The following CXCL13 variants were observed in gnomAD, a reference collection of about 807,000 sequenced individuals.
The protein encoded by CXCL13 is C-X-C motif chemokine ligand 13.
CXCL13 carries 7 observed loss-of-function variants against 12.2 expected under a neutral mutation model. The ratio of observed to expected loss-of-function variants is 0.57; its 90% CI spans 0.33 to 1.07. The LOEUF is 1.07. Among genes scored for constraint, CXCL13 ranks in the 50% least tolerant of loss-of-function variants. The probability of loss-of-function intolerance (pLI) is 0.04; values close to 1 mark genes in which losing one functional copy is unlikely to be tolerated. For synonymous variants in CXCL13, 47 were observed against 42.4 expected (o/e 1.11, Z -0.42); for missense variants, 113 against 127.4 (o/e 0.89, Z 0.55).
intron 1 of CXCL13, among the ~76,000 whole-genome samples, chr4:77,546,280 A>G (rs957187184): frequency 1.3e-5 from 2 of 152,182 alleles, no homozygotes; most frequent in Non-Finnish European, 2.9e-5. Flanking sequence ...GTTAAGGAGG[A>G]TGCCCTCTTT....
At chr4:77,540,037 G>A (rs1725162351) in intron 1 of CXCL13, among the ~76,000 whole-genome samples, 1 of 152,092 alleles carries the variant, frequency 6.6e-6, no homozygotes, top group South Asian at 2.1e-4. Flanking sequence ...GATGAAGGAA[G>A]AAATTAACTT....
chr4:77,547,289 A>T (rs1488184449), intron 1 of CXCL13, among the ~76,000 whole-genome samples: 8 of 152,152 alleles, frequency 5.3e-5, no homozygotes, highest in Middle Eastern at 6.8e-3. Flanking sequence ...TATCCTTGTT[A>T]ATTTTCTGTC....
intron 1 of CXCL13, among the ~76,000 whole-genome samples, chr4:77,547,571 T>C (rs1319375955): frequency 2.6e-5 from 4 of 152,132 alleles, no homozygotes; most frequent in African/African-American, 9.7e-5. Context: ...TTTTTTTTTG[T>C]TTTCCATTTT....
chr4:77,587,617 T>C (rs355690), intron 1 of CXCL13, among the ~76,000 whole-genome samples: 13,564 of 152,226 alleles, frequency 0.089, 1,672 homozygotes, highest in African/African-American at 0.27. Context: ...CCAAATATTT[T>C]ACCTGTTTTA....
At chr4:77,549,008 A>T (rs1360494537) in intron 1 of CXCL13, among the ~76,000 whole-genome samples, 1 of 152,146 alleles carries the variant, frequency 6.6e-6, no homozygotes, top group Non-Finnish European at 1.5e-5. Context: ...ACATAGTCCC[A>T]TATTTCTTGG....
chr4:77,529,902 G>T (rs942140579), intron 1 of CXCL13, among the ~76,000 whole-genome samples: 1 of 152,126 alleles, frequency 6.6e-6, no homozygotes, highest in South Asian at 2.1e-4. Flanking sequence ...GTATGATATT[G>T]GTTGTGAGTT....
intron 1 of CXCL13, among the ~76,000 whole-genome samples, chr4:77,571,420 A>C (rs895797240): frequency 2.7e-5 from 4 of 150,536 alleles, no homozygotes; most frequent in Non-Finnish European, 5.9e-5. Flanking sequence ...TTGTAAATAC[A>C]CCAATCGGCA....
At chr4:77,529,118 G>A (rs1388378168) in intron 1 of CXCL13, among the ~76,000 whole-genome samples, 1 of 152,144 alleles carries the variant, frequency 6.6e-6, no homozygotes, top group Non-Finnish European at 1.5e-5. Flanking sequence ...TGAGGGCTCT[G>A]TTCTATTCCA....
chr4:77,514,052 G>A (rs1724345456), intron 1 of CXCL13, among the ~76,000 whole-genome samples: 1 of 151,878 alleles, frequency 6.6e-6, no homozygotes, highest in African/African-American at 2.4e-5. Flanking sequence ...GAGAATATGT[G>A]GTGTTTGGTT....
chr4:77,559,894 C>T (rs977175985), intron 1 of CXCL13, among the ~76,000 whole-genome samples: 1 of 139,890 alleles, frequency 7.1e-6, no homozygotes, highest in East Asian at 2.1e-4. Context: ...TGCACTCCAG[C>T]CTGGGTGAGA....
intron 1 of CXCL13, among the ~76,000 whole-genome samples, chr4:77,532,850 C>T (rs1256506236): frequency 1.3e-5 from 2 of 152,184 alleles, no homozygotes; most frequent in East Asian, 1.9e-4. Flanking sequence ...GCTACTGAGG[C>T]TTGTGTATTC....
chr4:77,558,480 G>A (rs1383811517), intron 1 of CXCL13, among the ~76,000 whole-genome samples: 1 of 152,174 alleles, frequency 6.6e-6, no homozygotes, highest in Non-Finnish European at 1.5e-5. Flanking sequence ...AGCCTCCCAA[G>A]TAACTGGGAC....
intron 1 of CXCL13, among the ~76,000 whole-genome samples, chr4:77,568,151 A>C (rs1725980848): frequency 6.6e-6 from 1 of 152,210 alleles, no homozygotes; most frequent in Admixed American, 6.5e-5. Flanking sequence ...CTCCAAATTA[A>C]GACTGATCAG....
intron 1 of CXCL13, among the ~76,000 whole-genome samples, chr4:77,531,003 T>C (rs1724901930): frequency 6.6e-6 from 1 of 151,958 alleles, no homozygotes; most frequent in Non-Finnish European, 1.5e-5. Flanking sequence ...TCAAAGAACA[T>C]CCTTATTTCT....
chr4:77,553,827 T>G (rs567886941), intron 1 of CXCL13, among the ~76,000 whole-genome samples: 1 of 152,290 alleles, frequency 6.6e-6, no homozygotes, highest in South Asian at 2.1e-4. Flanking sequence ...AAATTTTTTT[T>G]TAAAAAGCAA....
At chr4:77,519,676 G>A (rs1042351906) in intron 1 of CXCL13, among the ~76,000 whole-genome samples, 2 of 152,228 alleles carry the variant, frequency 1.3e-5, no homozygotes, top group South Asian at 4.2e-4. Context: ...CCTGTTCACT[G>A]TGATGGTAGT....
intron 1 of CXCL13, among the ~76,000 whole-genome samples, chr4:77,568,659 T>C (rs1039274353): frequency 6.6e-6 from 1 of 152,124 alleles, no homozygotes; most frequent in Non-Finnish European, 1.5e-5. Flanking sequence ...ACCCTGGAGA[T>C]GCTCTAGGGT....
intron 1 of CXCL13, among the ~76,000 whole-genome samples, chr4:77,593,899 T>A (rs994590790): frequency 6.6e-6 from 1 of 152,150 alleles, no homozygotes; most frequent in African/African-American, 2.4e-5. Context: ...ACAGGGGTAT[T>A]TCTAACAGCT....
chr4:77,599,231 G>T (rs1405187365), intron 1 of CXCL13, among the ~76,000 whole-genome samples: 7 of 152,172 alleles, frequency 4.6e-5, no homozygotes. Flanking sequence ...GTGAGGATTG[G>T]TTGCAAGACT....
Sources: gnomAD v4.1 joint callset for allele counts (sites outside exome capture counted in the v4.1 genomes callset) on GRCh38, gnomAD v4.1.1 for gene constraint, MANE v1.5 for transcripts, NCBI Gene and HGNC (gene_info 2026-07-23, HGNC 2026-07-21) for gene names.